HMCN2: variants seen among roughly 807,000 people sequenced by gnomAD.
HMCN2 encodes the protein hemicentin 2, also known as hemicentin-2.
In HMCN2, 325 loss-of-function variants were observed where a neutral mutation model predicts 377.5. The ratio of observed to expected loss-of-function variants is 0.86; its 90% CI spans 0.79 to 0.94. The LOEUF (loss-of-function observed/expected upper bound fraction) is 0.94. Ranked by LOEUF, HMCN2 falls within the 40% of genes least tolerant of loss-of-function variation. The pLI, the probability that HMCN2 is intolerant of heterozygous loss-of-function variation, is 0.00. For synonymous variants in HMCN2, 2,007 were observed against 2,046.8 expected (o/e 0.98, Z 0.53); for missense variants, 4,543 against 4,725.3 (o/e 0.96, Z 1.13).
intron 22 of HMCN2, among the ~76,000 whole-genome samples, chr9:130,329,899 A>T (rs974858346): frequency 6.6e-6 from 1 of 152,004 alleles, no homozygotes; most frequent in Non-Finnish European, 1.5e-5. Flanking sequence ...CTCGACCAGA[A>T]CACAGAGACT....
intron 85 of HMCN2, among the ~76,000 whole-genome samples, chr9:130,411,229 A>G (rs1843391710): frequency 6.6e-6 from 1 of 151,726 alleles, no homozygotes; most frequent in Non-Finnish European, 1.5e-5. Context: ...AAAAAACAAC[A>G]AACTTTATTG....
chr9:130,413,642 G>T (rs1046051616), intron 85 of HMCN2, among the ~76,000 whole-genome samples: 2 of 152,186 alleles, frequency 1.3e-5, no homozygotes, highest in Admixed American at 6.5e-5. Flanking sequence ...GGTGGTGAAT[G>T]CCCTGGTGTT....
intron 8 of HMCN2, 133 bp downstream of exon 8, chr9:130,299,421 T>C (rs1836348685): frequency 5.6e-6 from 2 of 357,850 alleles, no homozygotes; most frequent in Non-Finnish European, 1.2e-5. Context: ...TATGGACAGC[T>C]ATTCCCTATA....
intron 35 of HMCN2, 173 bp from the exon 36 acceptor site, chr9:130,358,217 T>C: frequency 1.9e-6 from 1 of 529,342 alleles, no homozygotes; most frequent in Non-Finnish European, 2.4e-6. Flanking sequence ...TGCCTGGAGA[T>C]CGGACGAATC....
intron 15 of HMCN2, among the ~76,000 whole-genome samples, chr9:130,313,774 C>CTTTTTT (rs1215426849): frequency 2.2e-4 from 18 of 81,554 alleles, no homozygotes; most frequent in African/African-American, 2.9e-4. Flanking sequence ...TGTGTGTCCT[C>CTTTTTT]TTTTTTTTTT....
intron 15 of HMCN2, among the ~76,000 whole-genome samples, chr9:130,310,601 GTGAACACCAGGAGGC>G (rs782658808): frequency 0.025 from 2,484 of 97,630 alleles, 24 homozygotes; most frequent in Non-Finnish European, 0.046. Flanking sequence ...ACCCAGGGAT[GTGAACACCAGGAGGC>G]GGGGGCTACC....
chr9:130,395,257 C>T lies in HMCN2; in HGVS notation c.10821C>T (p.Gly3607=). 1 of 1,289,562 alleles carries T rather than the reference C, an allele frequency of 7.8e-7. No individual in the cohort carries two copies. The highest frequency in any genetic ancestry group is 1.0e-6 in the Non-Finnish European group (1 of 988,746). 79.9% of individuals were successfully genotyped at this position (1,289,562 alleles called of 1,614,324 possible). A position where few individuals can be genotyped will look rare whatever the true frequency, so the allele number is the denominator to read the frequency against. ...CCCGAGGCCCCCGCTTTGTGGTCGG[C>T]CTGGCCCCAGGGCAGCTGGTCCTGG... ...VGPRGPRFVV[G]LAPGQLVLEC... is the part of the protein sequence containing the mutation. The change falls in exon 71 of 98, where the codon GGC becomes GGT. Residue 3607 remains glycine (G), a synonymous_variant. Coordinates refer to ENST00000683500, the MANE Select transcript of HMCN2 (RefSeq NM_001291815.2).
Position 130,269,971 on chromosome 9 carries a change from C to T in HMCN2, c.259+3834C>T, listed in dbSNP as rs1373612899. 4.1e-5 allele frequency among the ~76,000 whole-genome samples: 6 copies of T among 147,774 alleles called. 1 individual carries two copies. Among genetic ancestry groups the T allele is most frequent in the Non-Finnish European group, 6.1e-5 (4 of 65,844 alleles). Reference sequence around the variant, plus strand: ...GACTACAGATGCGTGCCACCACGTCCGGCTAATTTTTGTATTTTTAGTAGA... The same window carrying T: ...GACTACAGATGCGTGCCACCACGTCTGGCTAATTTTTGTATTTTTAGTAGA... On this transcript the variant is annotated intron_variant, in intron 1 of 97. Transcript: ENST00000683500.
chr9:130,307,672 T>A (rs1305068965), intron 14 of HMCN2, 106 bp downstream of exon 14: 6 of 449,998 alleles, frequency 1.3e-5, no homozygotes, highest in African/African-American at 1.2e-4. Context: ...GCTGGAAGGT[T>A]CTGCTCCCCG....
chr9:130,353,175 G>A lies in HMCN2; in HGVS notation c.4834G>A (p.Ala1612Thr), dbSNP rs543691108. ...TCKASNAVGAAEKATRLDVYV... is the reference protein window; with the variant it reads ...TCKASNAVGATEKATRLDVYV... ...CAAGGCCAGCAATGCTGTGGGGGCCGCAGAGAAGGCCACCAGGCTGGATGT... is the reference window on the plus strand; with the variant it reads ...CAAGGCCAGCAATGCTGTGGGGGCCACAGAGAAGGCCACCAGGCTGGATGT... The change falls in exon 31 of 98, where the codon GCA becomes ACA. Residue 1612 changes from alanine to threonine, a missense_variant. Ala to Thr is a moderately conservative substitution (Grantham distance 58). Transcript: ENST00000683500. 3.9e-5 allele frequency: 51 copies of A among 1,303,992 alleles called. No individual in the cohort carries two copies. The Admixed American group carries it at 8.5e-4, about 22-fold the overall frequency. The allele number at this position is 1,303,992 out of a possible 1,614,324, so 80.8% of individuals were successfully genotyped here. A position where few individuals can be genotyped will look rare whatever the true frequency, so the allele number is the denominator to read the frequency against.
Position 130,360,286 on chromosome 9 carries a change from C to T in HMCN2, c.5774-142C>T. 1 of 529,410 alleles carries T rather than the reference C, an allele frequency of 1.9e-6. No homozygotes were observed. Among genetic ancestry groups the T allele is most frequent in the Non-Finnish European group, 3.1e-6 (1 of 326,674 alleles). 32.8% of individuals were successfully genotyped at this position (529,410 alleles called of 1,614,324 possible). A position where few individuals can be genotyped will look rare whatever the true frequency, so the allele number is the denominator to read the frequency against. On this transcript the variant is annotated intron_variant, in intron 37 of 97. Coordinates refer to ENST00000683500, the MANE Select transcript of HMCN2 (RefSeq NM_001291815.2). The surrounding 1 kb of genome is among the most constrained non-coding windows in gnomAD (Gnocchi z 4.7). ...AGCAGAGTCTGACGGGCTGGCAGCACCCTTGCTTCTCTCTTCCATTCCCCC... is the reference window on the plus strand; with the variant it reads ...AGCAGAGTCTGACGGGCTGGCAGCATCCTTGCTTCTCTCTTCCATTCCCCC...
intron 1 of HMCN2, among the ~76,000 whole-genome samples, chr9:130,267,474 A>ACG (rs1183091842): frequency 0.039 from 5,226 of 132,970 alleles, 127 homozygotes; most frequent in East Asian, 0.056. Flanking sequence ...ACACACACAC[A>ACG]CACGCACAGA....
intron 53 of HMCN2, 89 bp from the exon 54 acceptor site, chr9:130,379,160 G>A (rs1371672866): frequency 6.2e-6 from 2 of 324,378 alleles, no homozygotes; most frequent in African/African-American, 2.2e-5. Context: ...TTTCCGCTTG[G>A]GAGAGGCTGG....
In HMCN2 at chr9:130,306,243, A is replaced by G. The variant is rs986414174; in HGVS notation, c.1931A>G (p.Glu644Gly). 1 of 471,002 alleles carries G rather than the reference A, an allele frequency of 2.1e-6. No individual in the cohort carries two copies. Among genetic ancestry groups the G allele is most frequent in the Admixed American group, 2.3e-5 (1 of 42,558 alleles). 29.2% of individuals were successfully genotyped at this position (471,002 alleles called of 1,614,324 possible). A position where few individuals can be genotyped will look rare whatever the true frequency, so the allele number is the denominator to read the frequency against. The change falls in exon 12 of 98, where the codon GAG becomes GGG. Residue 644 changes from glutamate to glycine, a missense_variant. Glu to Gly is a moderately conservative substitution (Grantham distance 98, BLOSUM62 -2). This residue lies in a region of HMCN2 where 547 missense variants were observed against 189.9 expected (regional missense o/e 2.88). Coordinates refer to ENST00000683500, the MANE Select transcript of HMCN2 (RefSeq NM_001291815.2). The part of the protein sequence containing the change: ...YPTPHISWSR[E>G]SQALQEDSRI... The stretch of plus-strand genomic sequence containing the variant: ...ACACCCCACATCTCCTGGAGCCGTG[A>G]GAGCCAAGCCCTACAAGAGGACAGC...
intron 15 of HMCN2, among the ~76,000 whole-genome samples, chr9:130,315,149 C>A (rs1029341536): frequency 4.0e-3 from 586 of 146,126 alleles, no homozygotes; most frequent in African/African-American, 0.014. Context: ...TACCCCTTCC[C>A]TTTGAACCTG....
At position 130,393,915 on chromosome 9, in the gene HMCN2, G is replaced by A. The variant is rs1329428582; in HGVS notation, c.10408G>A (p.Glu3470Lys). 6 of 1,289,408 alleles carry A rather than the reference G, an allele frequency of 4.7e-6. No individual in the cohort carries two copies. In the African/African-American group the frequency reaches 9.1e-5, roughly 20 times the overall value. 79.9% of individuals were successfully genotyped at this position (1,289,408 alleles called of 1,614,324 possible). A position where few individuals can be genotyped will look rare whatever the true frequency, so the allele number is the denominator to read the frequency against. Reference sequence around the variant, plus strand: ...CGAGCAGGGGCCCAGCCTGCAGCTGGAGGCAGTGGGAGCTGGTGACTCGGG... The same window carrying A: ...CGAGCAGGGGCCCAGCCTGCAGCTGAAGGCAGTGGGAGCTGGTGACTCGGG... ...SLEQGPSLQL[E>K]AVGAGDSGTY... is the part of the protein sequence containing the mutation. Residue 3470 changes from glutamate to lysine, a missense_variant, in exon 68 of 98, where the codon GAG (glutamate) becomes AAG (lysine). By Grantham distance (56) the Glu-to-Lys change is moderately conservative (BLOSUM62 1). Around this residue, in one of 5 missense-constraint regions of HMCN2, gnomAD observed 1,073 missense variants for 1,319.5 expected, o/e 0.81. Transcript: ENST00000683500. The surrounding 1 kb of genome is among the most constrained non-coding windows in gnomAD (Gnocchi z 5.2).
At chr9:130,432,399 CT>C in intron 96 of HMCN2, 29 bp from the exon 97 acceptor site, 1 of 1,550,762 alleles carries the variant, frequency 6.4e-7, no homozygotes, top group Non-Finnish European at 8.7e-7. Context: ...TTTCATCTCC[CT>C]CCCCCGCTTC....
chr9:130,268,588 C>A lies in HMCN2; in HGVS notation c.259+2451C>A, dbSNP rs10819629. ...GCAAGGAAGGGGGCTAAGGAAAGAC[C>A]CCCCCCTGAGGAAGCAGCCTGTGAG... On this transcript the variant is annotated intron_variant, in intron 1 of 97. Transcript: ENST00000683500. Among the ~76,000 whole-genome samples the A allele has an allele frequency of 7.4e-5, 11 of 148,656 alleles. 1 individual carries two copies. In the East Asian group the frequency reaches 9.7e-4, roughly 13 times the overall value.
At chr9:130,409,256 AC>A (rs1317992775) in intron 84 of HMCN2, among the ~76,000 whole-genome samples, 1 of 151,926 alleles carries the variant, frequency 6.6e-6, no homozygotes, top group Non-Finnish European at 1.5e-5. Flanking sequence ...GTTATTAACA[AC>A]CTCAGGGGGT....
Sources: gnomAD v4.1 joint callset for allele counts (sites outside exome capture counted in the v4.1 genomes callset) on GRCh38, gnomAD v4.1.1 for gene constraint, gnomAD v4.1.1 regional missense constraint, Gnocchi (gnomAD v3.1) non-coding constraint, MANE v1.5 for transcripts, NCBI Gene and HGNC (gene_info 2026-07-23, HGNC 2026-07-21) for gene names.